TSNARE1: variants seen among roughly 807,000 people sequenced by gnomAD.
TSNARE1 encodes the protein t-SNARE domain-containing protein 1.
A neutral mutation model predicts 62.0 loss-of-function variants in TSNARE1; 49 were observed. That is an observed-to-expected ratio of 0.79 (90% CI 0.63 to 1.00). The LOEUF is 1.00. Among genes scored for constraint, TSNARE1 ranks in the 50% least tolerant of loss-of-function variants. TSNARE1 has a pLI of 0.00. For missense variants in TSNARE1, 755 were observed against 700.1 expected, an observed-to-expected ratio of 1.08 and a Z score of -0.88; for synonymous variants, 328 against 294.4, an observed-to-expected ratio of 1.11 and a Z score of -1.17.
intron 1 of TSNARE1, among the ~76,000 whole-genome samples, chr8:142,387,558 G>T (rs1041125376): frequency 2.0e-5 from 3 of 151,860 alleles, no homozygotes; most frequent in African/African-American, 7.3e-5. Context: ...AGAAGCAACC[G>T]AGACGGAAAT....
chr8:142,334,965 A>G (rs972245429), intron 4 of TSNARE1, among the ~76,000 whole-genome samples: 1 of 152,280 alleles, frequency 6.6e-6, no homozygotes, highest in Non-Finnish European at 1.5e-5. Context: ...AGTAACAGCA[A>G]GAAACCTGGA....
intron 3 of TSNARE1, among the ~76,000 whole-genome samples, chr8:142,345,194 G>A (rs1489889053): frequency 6.6e-6 from 1 of 152,232 alleles, no homozygotes; most frequent in Non-Finnish European, 1.5e-5. Context: ...GCTTCCTGAA[G>A]GCAGGGACAG....
chr8:142,384,358 T>C (rs574846874), intron 1 of TSNARE1, among the ~76,000 whole-genome samples: 1 of 152,138 alleles, frequency 6.6e-6, no homozygotes, highest in African/African-American at 2.4e-5. Flanking sequence ...TAAAATGAAA[T>C]AAAACCCAAT....
At chr8:142,254,144 G>A (rs747848510) in intron 12 of TSNARE1, among the ~76,000 whole-genome samples, 7 of 152,368 alleles carry the variant, frequency 4.6e-5, no homozygotes, top group South Asian at 2.1e-4. Context: ...GAGCCCGGCC[G>A]GCTGGAAGCC....
chr8:142,277,482 C>T (rs897663761), intron 11 of TSNARE1: 30 of 985,336 alleles, frequency 3.0e-5, no homozygotes, highest in Non-Finnish European at 3.4e-5. Flanking sequence ...CAGGCAGTGC[C>T]GCTGCAGAGC....
intron 1 of TSNARE1, among the ~76,000 whole-genome samples, chr8:142,402,106 G>A (rs532669035): frequency 6.6e-6 from 1 of 152,294 alleles, no homozygotes; most frequent in South Asian, 2.1e-4. Context: ...CTGCCCCCAA[G>A]CCAGGAGCGA....
intron 1 of TSNARE1, among the ~76,000 whole-genome samples, chr8:142,396,798 A>T (rs1231386749): frequency 6.6e-6 from 1 of 152,180 alleles, no homozygotes; most frequent in Non-Finnish European, 1.5e-5. Context: ...GAGGAGCAGG[A>T]AGAGCCTAGC....
rs544687117 is a variant in TSNARE1, at chr8:142,263,403, A to G, written c.1446+11378T>C. ...AAATCCAACCTGGCGAGGATGCCGT[A>G]TCTCCAAACACTTCTGGTTGCAGTT... On this transcript the variant is annotated intron_variant, in intron 12 of 13. Coordinates refer to ENST00000524325, the MANE Select transcript of TSNARE1 (RefSeq NM_145003.5). Among the ~76,000 whole-genome samples, 6 of 152,382 alleles carry G rather than the reference A, an allele frequency of 3.9e-5. No individual in the cohort carries two copies. The East Asian group carries it at 1.2e-3, about 29-fold the overall frequency.
intron 1 of TSNARE1, among the ~76,000 whole-genome samples, chr8:142,355,789 G>T (rs1240135020): frequency 6.6e-6 from 1 of 152,170 alleles, no homozygotes; most frequent in South Asian, 2.1e-4. Flanking sequence ...TGAGCCTCAC[G>T]CCAGCTGAGT....
chr8:142,404,982 T>C (rs570610075), upstream of TSNARE1: 1 of 152,446 alleles, frequency 6.6e-6, no homozygotes, highest in South Asian at 2.1e-4. Flanking sequence ...TGGGGCTGTT[T>C]CTGTGCCTGG....
intron 4 of TSNARE1, among the ~76,000 whole-genome samples, chr8:142,333,276 G>GC (rs1831313217): frequency 1.3e-5 from 2 of 152,172 alleles, no homozygotes; most frequent in Admixed American, 1.3e-4. Context: ...AGCACGGGGG[G>GC]CCGAGCTCGC....
intron 1 of TSNARE1, among the ~76,000 whole-genome samples, chr8:142,373,542 C>A (rs888162509): frequency 6.6e-6 from 1 of 152,070 alleles, no homozygotes; most frequent in African/African-American, 2.4e-5. Context: ...CCCGGCAGGC[C>A]CACGAGCTCC....
At chr8:142,372,077 G>A (rs1835955807) in intron 1 of TSNARE1, among the ~76,000 whole-genome samples, 1 of 152,224 alleles carries the variant, frequency 6.6e-6, no homozygotes, top group Non-Finnish European at 1.5e-5. Flanking sequence ...GTGAGAGGAG[G>A]TGGTGGATTC....
intron 1 of TSNARE1, among the ~76,000 whole-genome samples, chr8:142,391,063 A>G (rs1406363221): frequency 7.0e-6 from 1 of 143,696 alleles, no homozygotes; most frequent in Non-Finnish European, 1.5e-5. Flanking sequence ...GACGCTGTAC[A>G]CTGCGGGGGA....
intron 1 of TSNARE1, among the ~76,000 whole-genome samples, chr8:142,367,058 C>T (rs1835600349): frequency 6.6e-6 from 1 of 152,112 alleles, no homozygotes; most frequent in Non-Finnish European, 1.5e-5. Flanking sequence ...ATAAATTTAA[C>T]ATGAAATGGG....
intron 1 of TSNARE1, among the ~76,000 whole-genome samples, chr8:142,383,270 A>G (rs1209053240): frequency 6.6e-6 from 1 of 152,224 alleles, no homozygotes; most frequent in Non-Finnish European, 1.5e-5. Context: ...AGAGAGCTGG[A>G]GAAAGACAGG....
intron 4 of TSNARE1, among the ~76,000 whole-genome samples, chr8:142,339,277 G>T (rs946266072): frequency 6.6e-6 from 1 of 152,126 alleles, no homozygotes; most frequent in African/African-American, 2.4e-5. Flanking sequence ...GCGAAGAATC[G>T]GATGCGGCTC....
intron 4 of TSNARE1, among the ~76,000 whole-genome samples, chr8:142,332,695 C>T (rs896729991): frequency 6.6e-6 from 1 of 152,152 alleles, no homozygotes; most frequent in Non-Finnish European, 1.5e-5. Context: ...GGTCTGCAGG[C>T]TGCACACACT....
intron 1 of TSNARE1, among the ~76,000 whole-genome samples, chr8:142,367,546 G>A (rs1835643711): frequency 6.6e-6 from 1 of 152,214 alleles, no homozygotes; most frequent in South Asian, 2.1e-4. Context: ...GGACTAGGGA[G>A]TGACTGCTAA....
Sources: gnomAD v4.1 joint callset for allele counts (sites outside exome capture counted in the v4.1 genomes callset) on GRCh38, gnomAD v4.1.1 for gene constraint, MANE v1.5 for transcripts, NCBI Gene and HGNC (gene_info 2026-07-23, HGNC 2026-07-21) for gene names.